CAMK2D: variants seen among roughly 807,000 people sequenced by gnomAD.
CAMK2D encodes calcium/calmodulin-dependent protein kinase type II subunit delta.
Under a neutral mutation model 84.0 loss-of-function variants are expected in CAMK2D, and 37 were observed. That is an observed-to-expected ratio of 0.44 (90% CI 0.34 to 0.58). The LOEUF is 0.58. Ranked by LOEUF, CAMK2D falls within the 20% of genes least tolerant of loss-of-function variation. The probability of loss-of-function intolerance (pLI) is 0.02; values close to 1 mark genes in which losing one functional copy is unlikely to be tolerated. For missense variants in CAMK2D, 448 were observed against 652.5 expected (o/e 0.69, Z 3.41); for synonymous variants, 202 against 212.5 (o/e 0.95, Z 0.43).
intron 4 of CAMK2D, among the ~76,000 whole-genome samples, chr4:113,571,933 T>C (rs1177969248): frequency 6.6e-6 from 1 of 152,180 alleles, no homozygotes; most frequent in Non-Finnish European, 1.5e-5. Flanking sequence ...TAAATTCAAT[T>C]AACTCAAACA....
At chr4:113,479,935 TA>T (rs2097679483) in intron 16 of CAMK2D, among the ~76,000 whole-genome samples, 1 of 152,066 alleles carries the variant, frequency 6.6e-6, no homozygotes, top group African/African-American at 2.4e-5. Flanking sequence ...CTTTTGTAGG[TA>T]AAAAATGGTT....
chr4:113,711,837 T>C (rs1440573386), intron 2 of CAMK2D, among the ~76,000 whole-genome samples: 1 of 152,170 alleles, frequency 6.6e-6, no homozygotes, highest in African/African-American at 2.4e-5. Context: ...GGTTGTGTGA[T>C]TTCTAATTGG....
intron 4 of CAMK2D, among the ~76,000 whole-genome samples, chr4:113,555,837 T>A (rs951675603): frequency 3.7e-4 from 56 of 151,818 alleles, no homozygotes; most frequent in African/African-American, 1.3e-3. Context: ...TATTAGGAGG[T>A]GGGGCCTGTG....
At chr4:113,722,698 A>T (rs1379330200) in intron 2 of CAMK2D, among the ~76,000 whole-genome samples, 1 of 152,152 alleles carries the variant, frequency 6.6e-6, no homozygotes, top group Non-Finnish European at 1.5e-5. Flanking sequence ...GCAAAACAAG[A>T]TGTACGGTCA....
At chr4:113,500,543 A>G (rs1194245987) in intron 15 of CAMK2D, 32 bp from the exon 16 acceptor site, 1 of 1,494,040 alleles carries the variant, frequency 6.7e-7, no homozygotes, top group African/African-American at 1.4e-5. Flanking sequence ...TTTAGGTTGC[A>G]CGCAATGAAT....
At chr4:113,596,675 T>TC (rs146739478) in intron 4 of CAMK2D, among the ~76,000 whole-genome samples, 9,317 of 151,874 alleles carry the variant, frequency 0.061, 344 homozygotes, top group South Asian at 0.098. Flanking sequence ...TCATTTTTCT[T>TC]CCCCCCCAGG....
At chr4:113,592,853 T>TTTTA (rs533000240) in intron 4 of CAMK2D, among the ~76,000 whole-genome samples, 12 of 152,070 alleles carry the variant, frequency 7.9e-5, no homozygotes, top group African/African-American at 2.6e-4. Flanking sequence ...AAATTTGACA[T>TTTTA]TTTATTTATT....
intron 1 of CAMK2D, among the ~76,000 whole-genome samples, chr4:113,759,980 A>G (rs1047073853): frequency 2.0e-5 from 3 of 152,214 alleles, no homozygotes; most frequent in South Asian, 4.1e-4. Flanking sequence ...TCCATGTTTT[A>G]ACACCAGACA....
At chr4:113,663,721 T>C (rs2099246142) in intron 2 of CAMK2D, among the ~76,000 whole-genome samples, 2 of 151,144 alleles carry the variant, frequency 1.3e-5, no homozygotes, top group Admixed American at 1.3e-4. Context: ...TTTTTATATA[T>C]ATAAATCATC....
At chr4:113,522,102 G>A (rs1160942155) in intron 8 of CAMK2D, among the ~76,000 whole-genome samples, 2 of 152,092 alleles carry the variant, frequency 1.3e-5, no homozygotes, top group Admixed American at 6.5e-5. Context: ...CTATATCATC[G>A]AGAACATTCA....
At position 113,451,800 on chromosome 4, in the gene CAMK2D, T is replaced by C. The variant is rs1263483778; in HGVS notation, c.*2745A>G. ...CAATGTGGTTGACAGGAGAGGTAAA[T>C]ACAATCTATTATGTAGGTTTTGAGA... On this transcript the variant is annotated 3_prime_UTR_variant, in exon 21 of 21. Transcript: ENST00000511664. 6.6e-6 allele frequency: 1 copy of C among 152,198 alleles called. No homozygotes were observed. Among genetic ancestry groups the C allele is most frequent in the Non-Finnish European group, 1.5e-5 (1 of 68,064 alleles). The allele number at this position is 152,198 out of a possible 1,614,324, so 9.4% of individuals were successfully genotyped here. A position where few individuals can be genotyped will look rare whatever the true frequency, so the allele number is the denominator to read the frequency against.
intron 4 of CAMK2D, among the ~76,000 whole-genome samples, chr4:113,560,844 A>G (rs1369353782): frequency 6.6e-6 from 1 of 152,170 alleles, no homozygotes; most frequent in Non-Finnish European, 1.5e-5. Context: ...TGCTATATAG[A>G]TTCAGGAAGT....
At chr4:113,658,410 G>A (rs998876916) in intron 3 of CAMK2D, among the ~76,000 whole-genome samples, 6 of 151,916 alleles carry the variant, frequency 3.9e-5, no homozygotes, top group South Asian at 2.1e-4. Context: ...AATGTTTTTC[G>A]TTTGTTTGCT....
At chr4:113,678,411 G>A (rs1016696959) in intron 2 of CAMK2D, among the ~76,000 whole-genome samples, 2 of 151,762 alleles carry the variant, frequency 1.3e-5, no homozygotes, top group Admixed American at 6.6e-5. Flanking sequence ...ACATCAGTGG[G>A]CTAAACTAAG....
intron 8 of CAMK2D, among the ~76,000 whole-genome samples, chr4:113,518,609 C>A (rs1270190309): frequency 6.6e-6 from 1 of 152,094 alleles, no homozygotes. Context: ...GGCAGTCATT[C>A]CTCTGACCTC....
chr4:113,734,720 A>C (rs955523561), intron 2 of CAMK2D, among the ~76,000 whole-genome samples: 10 of 152,208 alleles, frequency 6.6e-5, no homozygotes, highest in African/African-American at 2.4e-4. Context: ...CAAATTTGAA[A>C]GGCTGATGGG....
At chr4:113,747,180 T>G (rs1335179154) in intron 2 of CAMK2D, among the ~76,000 whole-genome samples, 1 of 151,976 alleles carries the variant, frequency 6.6e-6, no homozygotes, top group Admixed American at 6.6e-5. Context: ...CGAAGTTGTC[T>G]TCTAAGTGAA....
At chr4:113,488,216 A>C (rs545407748) in intron 16 of CAMK2D, among the ~76,000 whole-genome samples, 1 of 152,296 alleles carries the variant, frequency 6.6e-6, no homozygotes, top group African/African-American at 2.4e-5. Context: ...AACAAAAATG[A>C]GAAAGTTTTA....
intron 6 of CAMK2D, among the ~76,000 whole-genome samples, chr4:113,539,682 G>C (rs1289785235): frequency 1.3e-5 from 2 of 152,110 alleles, no homozygotes; most frequent in Non-Finnish European, 2.9e-5. Context: ...AATCCATCTG[G>C]ACCAGAGTTG....
Sources: allele counts gnomAD v4.1 joint callset (sites outside exome capture counted in the v4.1 genomes callset), GRCh38; gene constraint gnomAD v4.1.1; transcripts MANE v1.5; gene names NCBI Gene and HGNC (gene_info 2026-07-23, HGNC 2026-07-21).